The following CCBE1 variants were observed in gnomAD, a reference collection of about 807,000 sequenced individuals.
The protein encoded by CCBE1 is collagen and calcium binding EGF domains 1.
CCBE1 carries 37 observed loss-of-function variants against 50.0 expected under a neutral mutation model. That is an observed-to-expected ratio of 0.74 (90% CI 0.57 to 0.97). The LOEUF is 0.97. CCBE1 is among the 50% of genes least tolerant of loss of function. The probability of loss-of-function intolerance (pLI) is 0.00; values close to 1 mark genes in which losing one functional copy is unlikely to be tolerated. For missense variants in CCBE1, 538 were observed against 523.8 expected (o/e 1.03, Z -0.26); for synonymous variants, 234 against 203.7 (o/e 1.15, Z -1.27).
At chr18:59,655,152 G>A (rs1317199529) in intron 2 of CCBE1, among the ~76,000 whole-genome samples, 1 of 150,182 alleles carries the variant, frequency 6.7e-6, no homozygotes, top group Admixed American at 6.7e-5. Flanking sequence ...TACAAGCAAT[G>A]CCCTCAGAGT....
At chr18:59,512,664 C>CTCTCAGGGACTT (rs1291228305) in intron 2 of CCBE1, among the ~76,000 whole-genome samples, 1 of 152,228 alleles carries the variant, frequency 6.6e-6, no homozygotes, top group Non-Finnish European at 1.5e-5. Flanking sequence ...GGAGTCTCCA[C>CTCTCAGGGACTT]TCTCAGGGAC....
chr18:59,495,828 G>A (rs1037754177), intron 2 of CCBE1, among the ~76,000 whole-genome samples: 4 of 152,092 alleles, frequency 2.6e-5, no homozygotes, highest in African/African-American at 4.8e-5. Flanking sequence ...GGCAACTGCC[G>A]CTCTCGGGTG....
chr18:59,469,733 C>T, intron 3 of CCBE1, 126 bp from the exon 4 acceptor site: 1 of 1,255,420 alleles, frequency 8.0e-7, no homozygotes, highest in Non-Finnish European at 1.2e-6. Context: ...GACAGATATA[C>T]TTGGAGGGAC....
chr18:59,550,998 C>CAAAAAAAAAAAAAAAAAAAAAAAAAAAA (rs555160847), intron 2 of CCBE1, among the ~76,000 whole-genome samples: 8 of 71,360 alleles, frequency 1.1e-4, no homozygotes, highest in Admixed American at 6.4e-4. Context: ...CAGCGAGACT[C>CAAAAAAAAAAAAAAAAAAAAAAAAAAAA]AAAAAAAAAA....
chr18:59,571,593 G>T (rs540468584), intron 2 of CCBE1, among the ~76,000 whole-genome samples: 4 of 152,226 alleles, frequency 2.6e-5, no homozygotes, highest in African/African-American at 7.2e-5. Context: ...CCTGCACGTT[G>T]TGCGCATGTA....
At chr18:59,629,675 G>A (rs568382391) in intron 2 of CCBE1, among the ~76,000 whole-genome samples, 1 of 152,326 alleles carries the variant, frequency 6.6e-6, no homozygotes, top group Admixed American at 6.5e-5. Context: ...GAGAAGTCAG[G>A]AATAGAAAAC....
At chr18:59,468,191 C>G (rs539501759) in intron 4 of CCBE1, among the ~76,000 whole-genome samples, 35 of 152,302 alleles carry the variant, frequency 2.3e-4, no homozygotes, top group African/African-American at 8.4e-4. Flanking sequence ...CCAGGCCAGA[C>G]TGAGCAACAT....
intron 3 of CCBE1, among the ~76,000 whole-genome samples, chr18:59,471,165 T>A (rs28448311): frequency 0.23 from 34,506 of 152,120 alleles, 4,519 homozygotes; most frequent in African/African-American, 0.34. Context: ...GCAGAGAGGC[T>A]GTCGAAGTGT....
intron 2 of CCBE1, among the ~76,000 whole-genome samples, chr18:59,509,908 G>A (rs1914057500): frequency 6.6e-6 from 1 of 152,174 alleles, no homozygotes; most frequent in Admixed American, 6.5e-5. Flanking sequence ...CATGGGGATG[G>A]TCTAAGGGGA....
In CCBE1 at chr18:59,433,631, G is replaced by C. The variant is rs1230836268; in HGVS notation, c.*2277C>G. The stretch of plus-strand genomic sequence containing the variant: ...GATATTTTTTTTTTTTTGAGACAGA[G>C]TCTCGCTCTGTCGCCCAGGCTGGAG... On this transcript the variant is annotated 3_prime_UTR_variant, in exon 11 of 11. Transcript: ENST00000439986. 1 of 150,088 alleles carries C rather than the reference G, an allele frequency of 6.7e-6. No individual in the cohort carries two copies. Among genetic ancestry groups the C allele is most frequent in the African/African-American group, 2.5e-5 (1 of 40,590 alleles). 9.3% of individuals were successfully genotyped at this position (150,088 alleles called of 1,614,324 possible). A position where few individuals can be genotyped will look rare whatever the true frequency, so the allele number is the denominator to read the frequency against.
At chr18:59,625,059 G>C (rs2053761488) in intron 2 of CCBE1, among the ~76,000 whole-genome samples, 1 of 152,166 alleles carries the variant, frequency 6.6e-6, no homozygotes. Flanking sequence ...ATGCTACCAA[G>C]TTTGACCACC....
At chr18:59,524,883 A>G (rs1379407396) in intron 2 of CCBE1, among the ~76,000 whole-genome samples, 5 of 152,114 alleles carry the variant, frequency 3.3e-5, no homozygotes, top group Admixed American at 2.6e-4. Context: ...TGCTGAGGAT[A>G]ATGGCTTCCA....
At chr18:59,501,699 C>T (rs1913630869) in intron 2 of CCBE1, among the ~76,000 whole-genome samples, 1 of 152,164 alleles carries the variant, frequency 6.6e-6, no homozygotes, top group Non-Finnish European at 1.5e-5. Flanking sequence ...ATCTTTGGTT[C>T]TCAATCCTGG....
intron 2 of CCBE1, among the ~76,000 whole-genome samples, chr18:59,543,403 A>G (rs72966110): frequency 2.0e-3 from 304 of 152,354 alleles, no homozygotes; most frequent in Non-Finnish European, 3.6e-3. Context: ...AAAATTTTCT[A>G]TATGGCTAAT....
At chr18:59,511,936 C>T (rs1914149542) in intron 2 of CCBE1, among the ~76,000 whole-genome samples, 1 of 152,162 alleles carries the variant, frequency 6.6e-6, no homozygotes, top group African/African-American at 2.4e-5. Flanking sequence ...GAGAAAATGA[C>T]CTTAGCCCTT....
At chr18:59,476,278 G>T (rs2143757821) in intron 3 of CCBE1, among the ~76,000 whole-genome samples, 1 of 152,296 alleles carries the variant, frequency 6.6e-6, no homozygotes. Context: ...CTGCTCTTCT[G>T]CTTCTTTTGC....
At chr18:59,619,465 G>A (rs1217405340) in intron 2 of CCBE1, among the ~76,000 whole-genome samples, 1 of 152,178 alleles carries the variant, frequency 6.6e-6, no homozygotes, top group African/African-American at 2.4e-5. Context: ...GACTACATTT[G>A]CACACCACTG....
At chr18:59,500,777 C>T (rs566326172) in intron 2 of CCBE1, among the ~76,000 whole-genome samples, 3 of 152,296 alleles carry the variant, frequency 2.0e-5, no homozygotes, top group Admixed American at 6.5e-5. Flanking sequence ...CAAGGGAAAC[C>T]ACACACTCAG....
rs1485377642 is a variant in CCBE1, at chr18:59,454,936, T to C, written c.569A>G (p.Glu190Gly). ...YPNDTGHEKS[E>G]NMVKAGTCCA... ...GCAAGTTCCGGCTTTCACCATGTTC[T>C]CAGACTTCTCATGGCCTGAGAAAGG... is the stretch of plus-strand genomic sequence containing the variant. The change falls in exon 6 of 11, where the codon GAG becomes GGG. Residue 190 changes from glutamate (E) to glycine (G), a missense_variant. Glu to Gly is a moderately conservative substitution (Grantham distance 98). Transcript: ENST00000439986. 7 of 1,613,926 alleles carry C rather than the reference T, an allele frequency of 4.3e-6. No individual in the cohort carries two copies. The highest frequency in any genetic ancestry group is 3.3e-5 in the Admixed American group (2 of 60,006).
Sources: allele counts gnomAD v4.1 joint callset (sites outside exome capture counted in the v4.1 genomes callset), GRCh38; gene constraint gnomAD v4.1.1; transcripts MANE v1.5; gene names NCBI Gene and HGNC (gene_info 2026-07-23, HGNC 2026-07-21).